The following WWP2 variants were observed in gnomAD, a reference collection of about 807,000 sequenced individuals.
The protein encoded by WWP2 is NEDD4-like E3 ubiquitin-protein ligase WWP2.
WWP2 carries 57 observed loss-of-function variants against 121.0 expected under a neutral mutation model. The observed-to-expected ratio is 0.47, with a 90% CI of 0.38 to 0.59. WWP2 has a LOEUF of 0.59. WWP2 is among the 20% of genes least tolerant of loss of function. WWP2 has a pLI of 0.00. For synonymous variants in WWP2, 449 were observed against 441.3 expected (o/e 1.02, Z -0.22); for missense variants, 962 against 1,158.9 (o/e 0.83, Z 2.47).
At chr16:69,880,867 A>G (rs1326861916) in intron 7 of WWP2, among the ~76,000 whole-genome samples, 2 of 152,156 alleles carry the variant, frequency 1.3e-5, no homozygotes, top group African/African-American at 4.8e-5. Context: ...CAGGGCCGAG[A>G]AGTCCTGAGT....
rs866721316 is a variant in WWP2 at position 69,924,966 on chromosome 16, T to C, written c.1180-464T>C. On this transcript the variant is annotated intron_variant, in intron 10 of 23. Transcript: ENST00000359154. ...GGCAGGGCTTGTGGGAATGATTTCA[T>C]TGGAAAGGCCTGCGATATTTTTTCC... 2.4e-4 allele frequency: 234 copies of C among 987,900 alleles called. 1 individual carries two copies. The Middle Eastern group carries it at 0.01, about 44-fold the overall frequency. The allele number at this position is 987,900 out of a possible 1,614,324, so 61.2% of individuals were successfully genotyped here.
chr16:69,912,952 AAAAATATATAT>A, intron 9 of WWP2, among the ~76,000 whole-genome samples: 1 of 2,854 alleles, frequency 3.5e-4, no homozygotes, highest in Non-Finnish European at 5.9e-4. Flanking sequence ...AAAAAAAAAA[AAAAATATATAT>A]ATATATATAT....
chr16:69,840,557 G>A (rs2056959267), intron 5 of WWP2, among the ~76,000 whole-genome samples: 1 of 152,182 alleles, frequency 6.6e-6, no homozygotes, highest in African/African-American at 2.4e-5. Context: ...TTTATCAAAT[G>A]TGACTTTGGC....
intron 1 of WWP2, 92 bp downstream of exon 1, chr16:69,762,483 G>C (rs1222608953): frequency 6.8e-6 from 1 of 147,642 alleles, no homozygotes; most frequent in African/African-American, 2.4e-5. Context: ...GCCGGGGGCG[G>C]CGCGGCCCGG....
chr16:69,825,962 C>G (rs769472114), intron 4 of WWP2, among the ~76,000 whole-genome samples: 3 of 151,890 alleles, frequency 2.0e-5, no homozygotes, highest in Non-Finnish European at 2.9e-5. Flanking sequence ...TGGAAAATTT[C>G]AAACATAAAT....
At chr16:69,923,490 A>G (rs1021352689) in intron 10 of WWP2, among the ~76,000 whole-genome samples, 22 of 152,174 alleles carry the variant, frequency 1.4e-4, no homozygotes, top group African/African-American at 5.3e-4. Context: ...AGTGCTAGTC[A>G]GGGAGACTGT....
chr16:69,851,981 G>A (rs200637120), intron 6 of WWP2, among the ~76,000 whole-genome samples: 1 of 62,576 alleles, frequency 1.6e-5, no homozygotes, highest in Non-Finnish European at 2.9e-5. Context: ...CGAGATTCCA[G>A]CTAAAACAAA....
At chr16:69,929,326 C>G (rs1407286249) in intron 11 of WWP2, 122 bp from the exon 12 acceptor site, 1 of 861,996 alleles carries the variant, frequency 1.2e-6, no homozygotes, top group Non-Finnish European at 1.8e-6. Flanking sequence ...TGGTTCTTCT[C>G]TAACAGGCTG....
At chr16:69,903,284 AGT>A (rs1358883138) in intron 8 of WWP2, among the ~76,000 whole-genome samples, 1 of 152,244 alleles carries the variant, frequency 6.6e-6, no homozygotes, top group African/African-American at 2.4e-5. Flanking sequence ...CATTTCTGGC[AGT>A]GTGTGGGAAT....
chr16:69,782,464 A>G (rs1383925622), intron 1 of WWP2, among the ~76,000 whole-genome samples: 5 of 152,198 alleles, frequency 3.3e-5, no homozygotes, highest in Non-Finnish European at 7.3e-5. Context: ...GAGGGAAAAA[A>G]GCAGTTAAAG....
At chr16:69,888,397 G>T in intron 8 of WWP2, 148 bp downstream of exon 8, 1 of 813,584 alleles carries the variant, frequency 1.2e-6, no homozygotes, top group Non-Finnish European at 1.9e-6. Flanking sequence ...AGGTGTGGAA[G>T]AACTGCTTGT....
At position 69,844,188 on chromosome 16, in the gene WWP2, G is replaced by A. The variant is rs576170538; in HGVS notation, c.575+2068G>A. ...AGACCAGTCATGTTTTCCGTGTCTC[G>A]GTAGGTGACTTACAATAGTTGGGTC... is the stretch of plus-strand genomic sequence containing the variant. On this transcript the variant is annotated intron_variant, in intron 6 of 23. Coordinates refer to ENST00000359154, the MANE Select transcript of WWP2 (RefSeq NM_001270454.2). Among the ~76,000 whole-genome samples, 4 of 152,216 alleles carry A rather than the reference G, an allele frequency of 2.6e-5. No homozygotes were observed. The South Asian group carries it at 6.2e-4, about 24-fold the overall frequency.
intron 9 of WWP2, among the ~76,000 whole-genome samples, chr16:69,917,334 C>G (rs1567430649): frequency 6.6e-6 from 1 of 152,208 alleles, no homozygotes; most frequent in Non-Finnish European, 1.5e-5. Context: ...CACATGCTTC[C>G]TCAGTCATAT....
At chr16:69,826,432 C>T (rs944400167) in intron 4 of WWP2, among the ~76,000 whole-genome samples, 23 of 150,124 alleles carry the variant, frequency 1.5e-4, no homozygotes, top group East Asian at 4.0e-4. Flanking sequence ...ATTAGCCGGG[C>T]GTGATGGTGG....
intron 1 of WWP2, among the ~76,000 whole-genome samples, chr16:69,785,229 CAAAAAA>C (rs1386992308): frequency 3.6e-5 from 4 of 112,466 alleles, no homozygotes; most frequent in Non-Finnish European, 7.5e-5. Flanking sequence ...GAGACTGTCT[CAAAAAA>C]AAAAAAAAGA....
At chr16:69,872,580 T>C (rs2057661240) in intron 7 of WWP2, among the ~76,000 whole-genome samples, 1 of 152,236 alleles carries the variant, frequency 6.6e-6, no homozygotes, top group African/African-American at 2.4e-5. Flanking sequence ...ATACATAGCA[T>C]ATTTTTTATT....
intron 4 of WWP2, among the ~76,000 whole-genome samples, chr16:69,805,436 T>C (rs991941012): frequency 2.9e-4 from 44 of 152,310 alleles, no homozygotes; most frequent in Middle Eastern, 6.8e-3. Context: ...CATAAAACTT[T>C]CTGTTTTAGT....
At chr16:69,762,455 G>C in intron 1 of WWP2, 64 bp downstream of exon 1, 1 of 147,402 alleles carries the variant, frequency 6.8e-6, no homozygotes, top group Non-Finnish European at 1.5e-5. Flanking sequence ...GCCGGGGGCG[G>C]CGGGCGGCGC....
intron 4 of WWP2, among the ~76,000 whole-genome samples, chr16:69,817,927 C>T (rs551681221): frequency 6.6e-6 from 1 of 150,768 alleles, no homozygotes; most frequent in African/African-American, 2.4e-5. Flanking sequence ...TTATGCTCCT[C>T]TTTTTTTTTC....
Sources: allele counts gnomAD v4.1 joint callset (sites outside exome capture counted in the v4.1 genomes callset), GRCh38; gene constraint gnomAD v4.1.1; transcripts MANE v1.5; gene names NCBI Gene and HGNC (gene_info 2026-07-23, HGNC 2026-07-21).